CCDC15: variants seen among roughly 807,000 people sequenced by gnomAD.
CCDC15 encodes coiled-coil domain-containing protein 15.
Under a neutral mutation model 114.5 loss-of-function variants are expected in CCDC15, and 105 were observed. The ratio of observed to expected loss-of-function variants is 0.92; its 90% CI spans 0.78 to 1.08. The LOEUF (loss-of-function observed/expected upper bound fraction) is 1.08, where lower values mean the gene tolerates loss of function less well. Among genes scored for constraint, CCDC15 ranks in the 50% least tolerant of loss-of-function variants. The pLI, the probability that CCDC15 is intolerant of heterozygous loss-of-function variation, is 0.00. For missense variants in CCDC15, 1,105 were observed against 1,093.6 expected, an observed-to-expected ratio of 1.01 and a Z score of -0.15; for synonymous variants, 334 against 377.8, an observed-to-expected ratio of 0.88 and a Z score of 1.34.
At chr11:125,002,511 C>T (rs1026043014) in intron 11 of CCDC15, among the ~76,000 whole-genome samples, 7 of 152,096 alleles carry the variant, frequency 4.6e-5, no homozygotes, top group African/African-American at 1.7e-4. Flanking sequence ...ATGCGTTCCT[C>T]TAAGTCTTAT....
In CCDC15 at chr11:125,003,859, CT is replaced by C. The variant is rs72518768; in HGVS notation, c.2215-6del. 246,118 of 1,528,106 alleles carry C rather than the reference CT, an allele frequency of 0.16. 21,873 individuals carry two copies. The highest frequency in any genetic ancestry group is 0.34 in the African/African-American group (23,843 of 70,626). The allele number at this position is 1,528,106 out of a possible 1,614,324, so 94.7% of individuals were successfully genotyped here. On this transcript the variant is annotated splice_polypyrimidine_tract_variant and splice_region_variant and intron_variant, in intron 11 of 15. Coordinates refer to ENST00000344762, the MANE Select transcript of CCDC15 (RefSeq NM_025004.3). ...TTGTCACTTTGTGTGACTGGACCTT[CT>C]TAACAGGCTTATGATAGGTATCAAT... is the stretch of plus-strand genomic sequence containing the variant.
chr11:124,955,922 G>A (rs891748740), intron 2 of CCDC15, among the ~76,000 whole-genome samples: 1 of 152,120 alleles, frequency 6.6e-6, no homozygotes, highest in African/African-American at 2.4e-5. Context: ...TATGACGTTG[G>A]GTTGATGTGA....
intron 4 of CCDC15, among the ~76,000 whole-genome samples, chr11:124,974,134 C>A (rs558960864): frequency 3.1e-3 from 464 of 152,030 alleles, no homozygotes; most frequent in African/African-American, 9.7e-3. Flanking sequence ...ACCACCATGC[C>A]CGGCTAATTT....
chr11:124,981,694 AC>A (rs1260154110), intron 6 of CCDC15, among the ~76,000 whole-genome samples: 2 of 151,924 alleles, frequency 1.3e-5, no homozygotes, highest in East Asian at 3.9e-4. Flanking sequence ...ATCTCAGCTC[AC>A]TGCAGCCTCT....
Position 124,991,497 on chromosome 11 carries a change from G to C in CCDC15, c.1945G>C (p.Asp649His). The change falls in exon 9 of 16, where the codon GAT (aspartate) becomes CAT (histidine). Residue 649 changes from aspartate (D) to histidine (H), a missense_variant. Transcript: ENST00000344762. Reference protein sequence around the residue: ...HFKEPYSDMTDEKGREDFSLA... With the variant: ...HFKEPYSDMTHEKGREDFSLA... Reference sequence around the variant, plus strand: ...TAAGGAGCCATACTCTGATATGACAGATGAGAAAGGGAGAGAAGACTTTTC... The same window carrying C: ...TAAGGAGCCATACTCTGATATGACACATGAGAAAGGGAGAGAAGACTTTTC... The C allele has an allele frequency of 6.2e-7, 1 of 1,602,064 alleles. No individual in the cohort carries two copies. The highest frequency in any genetic ancestry group is 8.5e-7 in the Non-Finnish European group (1 of 1,169,972).
At chr11:125,012,216 G>C (rs764748507) in intron 13 of CCDC15, among the ~76,000 whole-genome samples, 34 of 152,152 alleles carry the variant, frequency 2.2e-4, no homozygotes, top group Non-Finnish European at 4.6e-4. Flanking sequence ...ATAGGCTTCA[G>C]GTGCCTTCGC....
At chr11:124,991,324 G>A (rs1048739621) in intron 8 of CCDC15, 137 bp from the exon 9 acceptor site, 1 of 476,888 alleles carries the variant, frequency 2.1e-6, no homozygotes, top group Non-Finnish European at 3.6e-6. Context: ...AAAAGTATGA[G>A]TGTCTCTTTT....
intron 6 of CCDC15, among the ~76,000 whole-genome samples, chr11:124,982,780 T>C (rs1486614617): frequency 2.0e-5 from 3 of 152,214 alleles, no homozygotes; most frequent in African/African-American, 7.2e-5. Flanking sequence ...GATGGTCTTC[T>C]TCTTTTGTAG....
At chr11:124,992,983 C>CT (rs772618356) in intron 10 of CCDC15, among the ~76,000 whole-genome samples, 186 bp from the exon 11 acceptor site, 3,806 of 148,248 alleles carry the variant, frequency 0.026, 59 homozygotes, top group Non-Finnish European at 0.039. Flanking sequence ...ATTCATTATA[C>CT]TTTTTTTTTT....
At chr11:124,962,260 C>T (rs1408639136) in intron 4 of CCDC15, among the ~76,000 whole-genome samples, 1 of 152,174 alleles carries the variant, frequency 6.6e-6, no homozygotes, top group African/African-American at 2.4e-5. Flanking sequence ...GTAAATGGTA[C>T]ACATAATTCA....
At position 124,955,024 on chromosome 11, in the gene CCDC15, CATAA is replaced by C. The variant is rs1380200051; in HGVS notation, c.177+119_177+122del. 9 of 929,918 alleles carry C rather than the reference CATAA, an allele frequency of 9.7e-6. No homozygotes were observed. The Admixed American group carries it at 1.1e-4, about 11-fold the overall frequency. The allele number at this position is 929,918 out of a possible 1,614,324, so 57.6% of individuals were successfully genotyped here. A position where few individuals can be genotyped will look rare whatever the true frequency, so the allele number is the denominator to read the frequency against. On this transcript the variant is annotated intron_variant, in intron 2 of 15. Transcript: ENST00000344762. ...TCCGAGGATGCTGTTTCTATTCTGC[CATAA>C]ATAGTTTATGCTCTTGCATTAGGAT...
chr11:124,954,621 C>CA, intron 1 of CCDC15, 103 bp from the exon 2 acceptor site: 1 of 951,458 alleles, frequency 1.1e-6, no homozygotes, highest in Non-Finnish European at 1.6e-6. Context: ...CTTCTGCCTC[C>CA]AGGGCTTCTC....
chr11:125,030,760 C>T (rs980433025), intron 13 of CCDC15, among the ~76,000 whole-genome samples: 9 of 152,174 alleles, frequency 5.9e-5, no homozygotes, highest in Admixed American at 1.3e-4. Context: ...TGAGCCCATG[C>T]GTAACCTCCA....
chr11:125,000,495 A>C (rs1000935380), intron 11 of CCDC15, among the ~76,000 whole-genome samples: 3 of 152,092 alleles, frequency 2.0e-5, no homozygotes, highest in Non-Finnish European at 4.4e-5. Context: ...CAGGAGCTAC[A>C]TTTCTCAGAA....
At chr11:125,023,610 A>T (rs1176811370) in intron 13 of CCDC15, among the ~76,000 whole-genome samples, 1 of 151,910 alleles carries the variant, frequency 6.6e-6, no homozygotes, top group Non-Finnish European at 1.5e-5. Context: ...TACTCACTAG[A>T]TTGGCTATAA....
At chr11:125,004,240 A>C (rs909076177) in intron 12 of CCDC15, among the ~76,000 whole-genome samples, 4 of 151,934 alleles carry the variant, frequency 2.6e-5, no homozygotes, top group African/African-American at 9.7e-5. Flanking sequence ...GAAGATAATT[A>C]CTTTATGGCT....
intron 6 of CCDC15, among the ~76,000 whole-genome samples, chr11:124,981,481 A>G (rs1223975305): frequency 6.6e-6 from 1 of 151,970 alleles, no homozygotes; most frequent in Admixed American, 6.5e-5. Flanking sequence ...AGTAGCTGGG[A>G]CTGCAGGCAC....
intron 11 of CCDC15, among the ~76,000 whole-genome samples, chr11:124,995,094 A>G (rs909894099): frequency 2.6e-5 from 4 of 152,092 alleles, no homozygotes; most frequent in East Asian, 1.9e-4. Context: ...TTTAGTCTAC[A>G]TTGTCATTTA....
intron 3 of CCDC15, 44 bp downstream of exon 3, chr11:124,959,308 T>C: frequency 1.4e-6 from 2 of 1,480,696 alleles, no homozygotes; most frequent in South Asian, 2.7e-5. Flanking sequence ...ATGGAAAATA[T>C]GTGTGTTATG....
Sources: allele counts gnomAD v4.1 joint callset (sites outside exome capture counted in the v4.1 genomes callset), GRCh38; gene constraint gnomAD v4.1.1; transcripts MANE v1.5; gene names NCBI Gene and HGNC (gene_info 2026-07-23, HGNC 2026-07-21).